Variants in LIPC observed in about 807,000 individuals in gnomAD.
LIPC encodes the protein lipase C, hepatic type.
In LIPC, 44 loss-of-function variants were observed where a neutral mutation model predicts 50.7. That is an observed-to-expected ratio of 0.87 (90% confidence interval 0.68 to 1.11). The LOEUF (loss-of-function observed/expected upper bound fraction) is 1.11. LIPC is among the 50% of genes most tolerant of loss of function. LIPC has a pLI of 0.00. For missense variants in LIPC, 697 were observed against 648.2 expected (o/e 1.08, Z -0.82); for synonymous variants, 271 against 256.4 (o/e 1.06, Z -0.54).
At chr15:58,455,092 C>T (rs1894060407) in intron 1 of LIPC, 1 of 152,234 alleles carries the variant, frequency 6.6e-6, no homozygotes, top group African/African-American at 2.4e-5. Context: ...TCAGTAACAT[C>T]ACAGTGGGAG....
intron 1 of LIPC, among the ~76,000 whole-genome samples, chr15:58,502,372 A>T (rs1165080933): frequency 4.6e-5 from 7 of 152,156 alleles, no homozygotes; most frequent in African/African-American, 1.7e-4. Flanking sequence ...CTTAGCTGCC[A>T]TCCCGAGTTT....
chr15:58,563,921 G>A, intron 8 of LIPC, 198 bp downstream of exon 8: 1 of 623,970 alleles, frequency 1.6e-6, no homozygotes, highest in Non-Finnish European at 2.9e-6. Flanking sequence ...TTCACACCCA[G>A]GTCTTTGAAT....
At chr15:58,554,689 T>C (rs760191640) in intron 6 of LIPC, among the ~76,000 whole-genome samples, 3 of 151,974 alleles carry the variant, frequency 2.0e-5, no homozygotes, top group Non-Finnish European at 4.4e-5. Context: ...GAGCCCAGGA[T>C]TTTGAGACCA....
intron 1 of LIPC, among the ~76,000 whole-genome samples, chr15:58,458,184 AT>A (rs1457169050): frequency 1.4e-5 from 2 of 146,962 alleles, no homozygotes; most frequent in African/African-American, 2.5e-5. Flanking sequence ...AAAAAAAAAA[AT>A]GTAAGTCCAT....
At chr15:58,512,194 G>A (rs1454066475) in intron 1 of LIPC, among the ~76,000 whole-genome samples, 1 of 151,790 alleles carries the variant, frequency 6.6e-6, no homozygotes, top group African/African-American at 2.4e-5. Flanking sequence ...CTTCTCCCAG[G>A]TTCAAGCGAT....
intron 1 of LIPC, among the ~76,000 whole-genome samples, chr15:58,506,565 G>A (rs1892154106): frequency 6.6e-6 from 1 of 152,178 alleles, no homozygotes; most frequent in South Asian, 2.1e-4. Context: ...TCCAAACCCA[G>A]AGCCCTAGCT....
chr15:58,484,366 A>T (rs1407024561), intron 1 of LIPC, among the ~76,000 whole-genome samples: 2 of 152,226 alleles, frequency 1.3e-5, no homozygotes, highest in African/African-American at 4.8e-5. Context: ...GATCAAGAAG[A>T]AGTGGACACG....
chr15:58,501,890 T>G (rs537753352), intron 1 of LIPC, among the ~76,000 whole-genome samples: 1 of 152,076 alleles, frequency 6.6e-6, no homozygotes, highest in South Asian at 2.1e-4. Context: ...CTGAAGGAGG[T>G]AGGAAAACTT....
chr15:58,538,461 C>A lies in LIPC; in HGVS notation c.217C>A (p.Gln73Lys). Residue 73 changes from glutamine to lysine, a missense_variant, in exon 2 of 9, where the codon CAG becomes AAG. Physicochemically the swap from Gln to Lys is moderately conservative, Grantham distance 53. Coordinates refer to ENST00000299022, the MANE Select transcript of LIPC (RefSeq NM_000236.3). ...QIRINHPDTL[Q>K]ECGFNSSLPL... Reference sequence around the variant, plus strand: ...TCGAATCAATCATCCGGACACGTTACAGGAGTGCGGCTTCAACTCCTCCCT... The same window carrying A: ...TCGAATCAATCATCCGGACACGTTAAAGGAGTGCGGCTTCAACTCCTCCCT... 2 of 1,614,220 alleles carry A rather than the reference C, an allele frequency of 1.2e-6. No individual in the cohort carries two copies. The highest frequency in any genetic ancestry group is 1.7e-6 in the Non-Finnish European group (2 of 1,180,034).
intron 8 of LIPC, 138 bp downstream of exon 8, chr15:58,563,861 G>A (rs1894262520): frequency 1.3e-6 from 1 of 790,728 alleles, no homozygotes; most frequent in Non-Finnish European, 2.1e-6. Flanking sequence ...AGCTCAGAAA[G>A]GTGAAGTGAC....
chr15:58,554,389 G>A (rs1366401141), intron 6 of LIPC, among the ~76,000 whole-genome samples: 1 of 152,158 alleles, frequency 6.6e-6, no homozygotes, highest in Non-Finnish European at 1.5e-5. Flanking sequence ...GCAGTCACAG[G>A]ATTAAAAGCG....
At chr15:58,561,455 G>C (rs1017460948) in intron 7 of LIPC, among the ~76,000 whole-genome samples, 1 of 152,106 alleles carries the variant, frequency 6.6e-6, no homozygotes, top group Non-Finnish European at 1.5e-5. Context: ...GGGTTGTGGA[G>C]ACCAAGGTTC....
At position 58,491,608 on chromosome 15, in the gene LIPC, G is replaced by A. The variant is rs138412933; in HGVS notation, c.89-46725G>A. ...TAAATGATATCTCTGCCAAATACTG[G>A]TGCCAGGTGCTGGGCAAGGCACAGT... On this transcript the variant is annotated intron_variant, in intron 1 of 8. Transcript: ENST00000299022. Among the ~76,000 whole-genome samples, 310 of 152,252 alleles carry A rather than the reference G, an allele frequency of 2.0e-3. 1 individual carries two copies. The highest frequency in any genetic ancestry group is 3.4e-3 in the Middle Eastern group (1 of 294).
chr15:58,474,656 G>A (rs950077938), intron 1 of LIPC, among the ~76,000 whole-genome samples: 1 of 152,178 alleles, frequency 6.6e-6, no homozygotes, highest in Non-Finnish European at 1.5e-5. Flanking sequence ...TGACCTTGGG[G>A]AACACAGTGA....
At chr15:58,488,350 A>C (rs1407528896) in intron 1 of LIPC, among the ~76,000 whole-genome samples, 4 of 152,198 alleles carry the variant, frequency 2.6e-5, no homozygotes, top group Non-Finnish European at 4.4e-5. Flanking sequence ...GGGGCTGACC[A>C]CTGAACTACA....
chr15:58,526,425 C>A (rs1235525637), intron 1 of LIPC, among the ~76,000 whole-genome samples: 2 of 152,176 alleles, frequency 1.3e-5, no homozygotes, highest in Non-Finnish European at 2.9e-5. Context: ...CTGGAGCACC[C>A]TAGCTGGTGG....
At chr15:58,432,383 A>G in intron 1 of LIPC, 1 of 510,072 alleles carries the variant, frequency 2.0e-6, no homozygotes, top group Non-Finnish European at 3.5e-6. Flanking sequence ...TCTGATATGG[A>G]AACAGTCATG....
intron 1 of LIPC, among the ~76,000 whole-genome samples, chr15:58,500,110 C>T (rs573123925): frequency 3.3e-5 from 5 of 152,216 alleles, no homozygotes; most frequent in South Asian, 2.1e-4. Flanking sequence ...TCCCCACATC[C>T]CTCAACAGTC....
chr15:58,449,406 A>G (rs1381703117), intron 1 of LIPC, among the ~76,000 whole-genome samples: 1 of 152,132 alleles, frequency 6.6e-6, no homozygotes, highest in Non-Finnish European at 1.5e-5. Flanking sequence ...AGACATGAAG[A>G]TTTATGGGTC....
Sources: allele counts gnomAD v4.1 joint callset (sites outside exome capture counted in the v4.1 genomes callset), GRCh38; gene constraint gnomAD v4.1.1; transcripts MANE v1.5; gene names NCBI Gene and HGNC (gene_info 2026-07-23, HGNC 2026-07-21).